The following RSU1 variants were observed in gnomAD, a reference collection of about 807,000 sequenced individuals.
RSU1 encodes rsu-1.
RSU1 carries 26 observed loss-of-function variants against 31.1 expected under a neutral mutation model. The ratio of observed to expected loss-of-function variants is 0.84; its 90% CI spans 0.61 to 1.16. The LOEUF (loss-of-function observed/expected upper bound fraction) is 1.16. RSU1 is among the 50% of genes most tolerant of loss of function. The probability of loss-of-function intolerance (pLI) is 0.00; values close to 1 mark genes in which losing one functional copy is unlikely to be tolerated. For synonymous variants in RSU1, 164 were observed against 136.3 expected, an observed-to-expected ratio of 1.20 and a Z score of -1.41; for missense variants, 320 against 339.1, an observed-to-expected ratio of 0.94 and a Z score of 0.44.
chr10:16,719,767 G>A (rs745944210), intron 7 of RSU1, among the ~76,000 whole-genome samples: 5 of 152,142 alleles, frequency 3.3e-5, no homozygotes, highest in African/African-American at 4.8e-5. Context: ...CTATGTCTGC[G>A]CTCCTATCAC....
At chr10:16,718,428 T>C (rs369879597) in intron 7 of RSU1, among the ~76,000 whole-genome samples, 1 of 152,214 alleles carries the variant, frequency 6.6e-6, no homozygotes, top group African/African-American at 2.4e-5. Context: ...TCATTTTATT[T>C]GATTATCCTG....
intron 2 of RSU1, among the ~76,000 whole-genome samples, chr10:16,785,890 G>A (rs1478013911): frequency 6.6e-6 from 1 of 152,134 alleles, no homozygotes; most frequent in Non-Finnish European, 1.5e-5. Context: ...CGGGTACTTT[G>A]ACACAATGTC....
At chr10:16,627,346 G>A (rs138591820) in intron 8 of RSU1, among the ~76,000 whole-genome samples, 5 of 152,298 alleles carry the variant, frequency 3.3e-5, no homozygotes, top group East Asian at 1.9e-4. Context: ...TACGTGTAGA[G>A]TAGGTTATGT....
chr10:16,757,028 AGTGTGTGTGTGGT>A (rs200029393), intron 4 of RSU1, among the ~76,000 whole-genome samples: 1 of 140,870 alleles, frequency 7.1e-6, no homozygotes, highest in African/African-American at 2.7e-5. Flanking sequence ...GTGTGTACGC[AGTGTGTGTGTGGT>A]GTGTGTGTGG....
At chr10:16,798,207 A>G (rs1838081193) in intron 2 of RSU1, among the ~76,000 whole-genome samples, 1 of 152,152 alleles carries the variant, frequency 6.6e-6, no homozygotes, top group African/African-American at 2.4e-5. Flanking sequence ...AGTGACAAAT[A>G]TTAAAGATGG....
chr10:16,782,294 T>C (rs996181153), intron 2 of RSU1, among the ~76,000 whole-genome samples: 1 of 152,178 alleles, frequency 6.6e-6, no homozygotes, highest in African/African-American at 2.4e-5. Flanking sequence ...TGCAATTAGC[T>C]CAGCAAGTTA....
At chr10:16,777,041 A>C (rs1039043821) in intron 3 of RSU1, among the ~76,000 whole-genome samples, 6 of 152,186 alleles carry the variant, frequency 3.9e-5, no homozygotes, top group Admixed American at 2.0e-4. Context: ...AACTTAAGGA[A>C]AACTTCACTT....
chr10:16,732,182 GTTTAAA>G (rs1400132339), intron 7 of RSU1, among the ~76,000 whole-genome samples: 1 of 152,110 alleles, frequency 6.6e-6, no homozygotes, highest in Non-Finnish European at 1.5e-5. Flanking sequence ...CCTAACAACA[GTTTAAA>G]TTTATATTCA....
chr10:16,784,198 C>G (rs1837719533), intron 2 of RSU1, among the ~76,000 whole-genome samples: 1 of 151,918 alleles, frequency 6.6e-6, no homozygotes, highest in South Asian at 2.1e-4. Context: ...CCCCCCACCT[C>G]AGACTCCCAA....
intron 2 of RSU1, among the ~76,000 whole-genome samples, chr10:16,805,243 C>T (rs7085942): frequency 0.44 from 66,084 of 151,838 alleles, 17,828 homozygotes; most frequent in African/African-American, 0.78. Context: ...CAATATTGGT[C>T]CAGCAATCAT....
Position 16,591,022 on chromosome 10 carries a change from C to G in RSU1, c.*2372G>C, listed in dbSNP as rs1023071139. The G allele has an allele frequency of 2.6e-5, 4 of 152,202 alleles. No homozygotes were observed. Among genetic ancestry groups the G allele is most frequent in the African/African-American group, 9.7e-5 (4 of 41,438 alleles). 9.4% of individuals were successfully genotyped at this position (152,202 alleles called of 1,614,324 possible). The stretch of plus-strand genomic sequence containing the variant: ...TGCCTCCCGGGTTCAATCAATTCTC[C>G]TGCCTCAGCCTCCTGAGCAGCTGGG... On this transcript the variant is annotated 3_prime_UTR_variant, in exon 9 of 9. Transcript: ENST00000345264.
intron 8 of RSU1, among the ~76,000 whole-genome samples, chr10:16,619,164 G>T (rs1834028950): frequency 6.6e-6 from 1 of 152,148 alleles, no homozygotes; most frequent in South Asian, 2.1e-4. Context: ...AAAAATGAAT[G>T]GCAAGACAGA....
At chr10:16,755,806 C>G (rs1426367764) in intron 4 of RSU1, among the ~76,000 whole-genome samples, 2 of 152,160 alleles carry the variant, frequency 1.3e-5, no homozygotes, top group Non-Finnish European at 2.9e-5. Flanking sequence ...ATGAGGTTTA[C>G]TTTTTTACAT....
chr10:16,738,243 G>A (rs371102189), intron 7 of RSU1, among the ~76,000 whole-genome samples: 34 of 152,132 alleles, frequency 2.2e-4, no homozygotes, highest in South Asian at 8.3e-4. Flanking sequence ...TCAGCAGATC[G>A]AGACCATCCT....
intron 8 of RSU1, among the ~76,000 whole-genome samples, chr10:16,660,091 A>G (rs1158755448): frequency 1.3e-5 from 2 of 152,238 alleles, no homozygotes; most frequent in African/African-American, 4.8e-5. Flanking sequence ...AGCAGACAGC[A>G]GATTTGTTTA....
chr10:16,799,762 G>C (rs1838111456), intron 2 of RSU1, among the ~76,000 whole-genome samples: 1 of 152,176 alleles, frequency 6.6e-6, no homozygotes, highest in African/African-American at 2.4e-5. Context: ...ATTTACCAGA[G>C]CCTGACCAAC....
At chr10:16,807,195 G>C (rs1838290847) in intron 2 of RSU1, among the ~76,000 whole-genome samples, 1 of 152,212 alleles carries the variant, frequency 6.6e-6, no homozygotes, top group African/African-American at 2.4e-5. Context: ...GAAAAACTAA[G>C]AGGCGAAACC....
chr10:16,782,625 C>G (rs973582545), intron 2 of RSU1, among the ~76,000 whole-genome samples: 31 of 152,180 alleles, frequency 2.0e-4, no homozygotes. Context: ...AAACCCTTCA[C>G]AATTTCTTCT....
At chr10:16,698,878 G>A (rs1013482575) in intron 7 of RSU1, among the ~76,000 whole-genome samples, 4 of 152,180 alleles carry the variant, frequency 2.6e-5, no homozygotes, top group Admixed American at 1.3e-4. Context: ...GTGGCAAGGA[G>A]GGTACAGATG....
Sources: gnomAD v4.1 joint callset for allele counts (sites outside exome capture counted in the v4.1 genomes callset) on GRCh38, gnomAD v4.1.1 for gene constraint, MANE v1.5 for transcripts, NCBI Gene and HGNC (gene_info 2026-07-23, HGNC 2026-07-21) for gene names.